LARP4: variants seen among roughly 807,000 people sequenced by gnomAD.
LARP4 encodes La ribonucleoprotein 4.
LARP4 carries 29 observed loss-of-function variants against 92.9 expected under a neutral mutation model. That is an observed-to-expected ratio of 0.31 (90% confidence interval 0.23 to 0.43). LARP4 has a LOEUF of 0.43. LARP4 is among the 20% of genes least tolerant of loss of function. The pLI is 1.00. For synonymous variants in LARP4, 279 were observed against 284.1 expected (o/e 0.98, Z 0.18); for missense variants, 732 against 860.0 (o/e 0.85, Z 1.86).
At position 50,479,687 on chromosome 12, in the gene LARP4, G is replaced by A. The variant is rs1426684859; in HGVS notation, c.*3823G>A. ...ATATTAATGGGCTGTGTATTAAATG[G>A]TTTTATTTTCAGTTTTGCAGCACAG... is the stretch of plus-strand genomic sequence containing the variant. On this transcript the variant is annotated 3_prime_UTR_variant, in exon 16 of 16. Coordinates refer to ENST00000398473, the MANE Select transcript of LARP4 (RefSeq NM_052879.5). 1 of 152,018 alleles carries A rather than the reference G, an allele frequency of 6.6e-6. No homozygotes were observed. The highest frequency in any genetic ancestry group is 2.4e-5 in the African/African-American group (1 of 41,384). The allele number at this position is 152,018 out of a possible 1,614,324, so 9.4% of individuals were successfully genotyped here.
At chr12:50,435,236 G>T (rs1252744194) in intron 4 of LARP4, among the ~76,000 whole-genome samples, 1 of 152,188 alleles carries the variant, frequency 6.6e-6, no homozygotes, top group African/African-American at 2.4e-5. Flanking sequence ...ATTGTCCAAT[G>T]TTGTGCTAGA....
At chr12:50,446,716 C>G (rs187924224) in intron 8 of LARP4, among the ~76,000 whole-genome samples, 2 of 151,932 alleles carry the variant, frequency 1.3e-5, no homozygotes, top group Admixed American at 1.3e-4. Context: ...CGTGAGCCAC[C>G]ACACCCGGCC....
chr12:50,461,510 A>G (rs571349766), intron 11 of LARP4, 163 bp downstream of exon 11: 2 of 757,292 alleles, frequency 2.6e-6, no homozygotes, highest in Non-Finnish European at 4.1e-6. Context: ...GCTTTTTATA[A>G]TTATTAAGAA....
chr12:50,451,868 T>G (rs1049519514), intron 8 of LARP4, among the ~76,000 whole-genome samples: 6 of 150,636 alleles, frequency 4.0e-5, no homozygotes, highest in African/African-American at 1.5e-4. Context: ...GCCGGGCGTG[T>G]TGGTGGGTGC....
intron 1 of LARP4, among the ~76,000 whole-genome samples, chr12:50,426,722 T>G (rs1948810852): frequency 8.0e-6 from 1 of 124,464 alleles, no homozygotes; most frequent in African/African-American, 3.8e-5. Context: ...TGTGTGTGTG[T>G]GTGTGTGTGG....
intron 8 of LARP4, among the ~76,000 whole-genome samples, chr12:50,449,982 G>A (rs1485622448): frequency 1.5e-5 from 2 of 134,532 alleles, no homozygotes; most frequent in Non-Finnish European, 3.0e-5. Context: ...TTGCCAGACT[G>A]GAGTGCAGTG....
At chr12:50,412,382 T>G (rs1253028642) in intron 1 of LARP4, 1 of 944,188 alleles carries the variant, frequency 1.1e-6, no homozygotes, top group Non-Finnish European at 1.3e-6. Flanking sequence ...AATCAATTTA[T>G]ACATTTTATT....
intron 8 of LARP4, among the ~76,000 whole-genome samples, chr12:50,449,987 G>T (rs1292504601): frequency 7.8e-6 from 1 of 128,038 alleles, no homozygotes; most frequent in Non-Finnish European, 1.6e-5. Flanking sequence ...AGACTGGAGT[G>T]CAGTGGCACG....
rs1346805584 is a variant in LARP4 at position 50,429,022 on chromosome 12, T to C, written c.254T>C (p.Ile85Thr). The change falls in exon 3 of 16, where the codon ATT (isoleucine) becomes ACT (threonine). Residue 85 changes from isoleucine to threonine, a missense_variant. Ile to Thr is a moderately conservative substitution (Grantham distance 89). Around this residue, in one of 7 missense-constraint regions of LARP4, gnomAD observed 236 missense variants for 307.6 expected, o/e 0.77. Transcript: ENST00000398473. ...GAAACCACAAGAAATACTACAGGCA[T>C]TGAAGAATCAACTGATGGGATGATT... ...SCETTRNTTG[I>T]EESTDGMILG... The C allele has an allele frequency of 1.2e-6, 2 of 1,611,476 alleles. No homozygotes were observed. The highest frequency in any genetic ancestry group is 2.2e-5 in the East Asian group (1 of 44,822).
At chr12:50,459,822 CAAAAAAAAAA>C (rs59855735) in intron 10 of LARP4, among the ~76,000 whole-genome samples, 16 of 99,872 alleles carry the variant, frequency 1.6e-4, no homozygotes, top group African/African-American at 7.5e-4. Flanking sequence ...GACTCCGTAT[CAAAAAAAAAA>C]AAAAAAAAAA....
chr12:50,466,771 T>G (rs536210911), intron 12 of LARP4, among the ~76,000 whole-genome samples, 188 bp from the exon 13 acceptor site: 4 of 152,148 alleles, frequency 2.6e-5, no homozygotes, highest in Non-Finnish European at 4.4e-5. Context: ...TAAAGAAAAG[T>G]AGAATTGATA....
chr12:50,469,997 A>C (rs1956730196), intron 13 of LARP4, among the ~76,000 whole-genome samples: 1 of 151,938 alleles, frequency 6.6e-6, no homozygotes, highest in South Asian at 2.1e-4. Flanking sequence ...AGGTGAATGG[A>C]TTGCTTGAGC....
intron 1 of LARP4, among the ~76,000 whole-genome samples, chr12:50,414,616 T>C (rs1336926059): frequency 6.6e-6 from 1 of 152,190 alleles, no homozygotes; most frequent in African/African-American, 2.4e-5. Context: ...ACCTATATAT[T>C]TATCTGTACA....
intron 5 of LARP4, 101 bp downstream of exon 5, chr12:50,435,725 A>C: frequency 1.3e-6 from 1 of 794,508 alleles, no homozygotes; most frequent in Non-Finnish European, 1.9e-6. Flanking sequence ...CCCCCTCCCC[A>C]CACCCTTATT....
intron 13 of LARP4, among the ~76,000 whole-genome samples, chr12:50,470,105 T>C (rs1024493209): frequency 4.6e-5 from 7 of 151,706 alleles, no homozygotes; most frequent in Non-Finnish European, 8.8e-5. Context: ...ATGCCTGTAG[T>C]CCTTGCTACT....
chr12:50,430,425 C>G (rs146985373), intron 3 of LARP4, 70 bp from the exon 4 acceptor site: 5 of 778,676 alleles, frequency 6.4e-6, no homozygotes, highest in Non-Finnish European at 2.2e-6. Context: ...CTGAGTACAA[C>G]AGTATGTCAG....
chr12:50,454,430 C>T lies in LARP4; in HGVS notation c.1121+13C>T, dbSNP rs375992952. 1.9e-6 allele frequency: 3 copies of T among 1,570,492 alleles called. No homozygotes were observed. The highest frequency in any genetic ancestry group is 2.6e-6 in the Non-Finnish European group (3 of 1,143,364). ...TCCAAAAAAATCGGTAAGATAAAAA[C>T]CATAGCTGTAATGTATTTTAAACAA... On this transcript the variant is annotated intron_variant, in intron 10 of 15. Transcript: ENST00000398473.
At chr12:50,445,317 A>G (rs900823285) in intron 8 of LARP4, among the ~76,000 whole-genome samples, 13 of 152,190 alleles carry the variant, frequency 8.5e-5, no homozygotes, top group African/African-American at 2.9e-4. Context: ...GTTCACCATC[A>G]TTCACATGGT....
intron 1 of LARP4, among the ~76,000 whole-genome samples, chr12:50,412,825 C>T (rs1250019860): frequency 6.6e-6 from 1 of 152,148 alleles, no homozygotes; most frequent in Non-Finnish European, 1.5e-5. Context: ...GGACAGTTTA[C>T]ATCGTTTAGT....
Sources: allele counts gnomAD v4.1 joint callset (sites outside exome capture counted in the v4.1 genomes callset), GRCh38; gene constraint gnomAD v4.1.1; regional missense constraint gnomAD v4.1.1; transcripts MANE v1.5; gene names NCBI Gene and HGNC (gene_info 2026-07-23, HGNC 2026-07-21).